Variants in DAB2 observed in about 807,000 individuals in gnomAD.
The protein encoded by DAB2 is disabled homolog 2.
Under a neutral mutation model 71.6 loss-of-function variants are expected in DAB2, and 28 were observed. The observed-to-expected ratio is 0.39, with a 90% CI of 0.29 to 0.54. The LOEUF (loss-of-function observed/expected upper bound fraction) is 0.54. Ranked by LOEUF, DAB2 falls within the 20% of genes least tolerant of loss-of-function variation. The pLI, the probability that DAB2 is intolerant of heterozygous loss-of-function variation, is 0.68. For synonymous variants in DAB2, 345 were observed against 339.7 expected (o/e 1.02, Z -0.17); for missense variants, 867 against 928.8 (o/e 0.93, Z 0.86).
chr5:39,406,833 T>C (rs2112091116), intron 1 of DAB2, among the ~76,000 whole-genome samples: 1 of 152,096 alleles, frequency 6.6e-6, no homozygotes, highest in East Asian at 1.9e-4. Flanking sequence ...ACATGAAAAA[T>C]ATTAGAGTTT....
chr5:39,392,209 A>G (rs1755246390), intron 4 of DAB2, 156 bp downstream of exon 4: 4 of 664,788 alleles, frequency 6.0e-6, no homozygotes, highest in Middle Eastern at 2.4e-4. Flanking sequence ...TTTACCTCCT[A>G]TTCTGTTTTC....
At chr5:39,389,994 G>A (rs1313630189) in intron 5 of DAB2, 62 bp from the exon 6 acceptor site, 2 of 1,168,648 alleles carry the variant, frequency 1.7e-6, no homozygotes, top group Non-Finnish European at 2.4e-6. Context: ...TCCTTTGTCT[G>A]CTATCAATTA....
At chr5:39,414,112 T>G (rs1755794383) in intron 1 of DAB2, among the ~76,000 whole-genome samples, 1 of 152,122 alleles carries the variant, frequency 6.6e-6, no homozygotes, top group South Asian at 2.1e-4. Context: ...ACTCTTATGC[T>G]AGGATTTTCA....
chr5:39,404,139 C>A (rs1474790982), intron 1 of DAB2, among the ~76,000 whole-genome samples: 1 of 150,496 alleles, frequency 6.6e-6, no homozygotes, highest in Admixed American at 6.7e-5. Flanking sequence ...TGGGTATATA[C>A]CCAGTAATGG....
intron 4 of DAB2, 40 bp from the exon 5 acceptor site, chr5:39,390,615 A>C: frequency 6.5e-7 from 1 of 1,537,598 alleles, no homozygotes; most frequent in South Asian, 1.2e-5. Flanking sequence ...TAAGAAAACT[A>C]GAATCTATTT....
rs764600005 is a variant in DAB2 at position 39,376,704 on chromosome 5, C to T, written c.2083G>A (p.Glu695Lys). 1 of 1,614,082 alleles carries T rather than the reference C, an allele frequency of 6.2e-7. No individual in the cohort carries two copies. The highest frequency in any genetic ancestry group is 1.1e-5 in the South Asian group (1 of 91,084). ...YFNSKVGIPQ[E>K]NADHDDFDAN... ...TCAAAGTCATCATGGTCTGCATTCT[C>T]CTGAGGAATGCCAACCTTGCTGTTG... is the stretch of plus-strand genomic sequence containing the variant. Residue 695 changes from glutamate to lysine, a missense_variant, in exon 12 of 15, where the codon GAG (glutamate) becomes AAG (lysine). Around this residue, in one of 2 missense-constraint regions of DAB2, gnomAD observed 740 missense variants for 734.3 expected, o/e 1.01. Coordinates refer to ENST00000320816, the MANE Select transcript of DAB2 (RefSeq NM_001343.4).
Position 39,390,580 on chromosome 5 carries a change from A to C in DAB2, c.331-5T>G, listed in dbSNP as rs2515732. On this transcript the variant is annotated splice_region_variant and splice_polypyrimidine_tract_variant and intron_variant, in intron 4 of 14. Transcript: ENST00000320816. ...TGGATGTTCATGCTCTATTACCTTA[A>C]AAAAGAACATAAAGAGTAATTTATT... 6.2e-7 allele frequency: 1 copy of C among 1,603,958 alleles called. No homozygotes were observed. The highest frequency in any genetic ancestry group is 1.3e-5 in the African/African-American group (1 of 74,566).
chr5:39,407,577 C>T (rs1755635404), intron 1 of DAB2, among the ~76,000 whole-genome samples: 1 of 152,210 alleles, frequency 6.6e-6, no homozygotes, highest in Non-Finnish European at 1.5e-5. Context: ...TTAGGTTGTG[C>T]ATTCTCATCC....
intron 1 of DAB2, chr5:39,417,301 A>T: frequency 1.6e-5 from 1 of 62,156 alleles, no homozygotes; most frequent in Middle Eastern, 8.6e-3. Flanking sequence ...TATAAAAATA[A>T]AAAAAAAAAA....
intron 13 of DAB2, among the ~76,000 whole-genome samples, chr5:39,375,689 A>G (rs891780747): frequency 2.2e-4 from 33 of 152,146 alleles, no homozygotes; most frequent in African/African-American, 7.7e-4. Flanking sequence ...GTTTGAGACC[A>G]GTCTGGCCAA....
intron 1 of DAB2, among the ~76,000 whole-genome samples, chr5:39,397,062 C>T (rs376499627): frequency 4.9e-4 from 75 of 152,312 alleles, no homozygotes; most frequent in African/African-American, 1.5e-3. Flanking sequence ...TGAAGGGACT[C>T]GGACATGTCT....
chr5:39,406,792 G>T (rs779529688), intron 1 of DAB2, among the ~76,000 whole-genome samples: 1 of 151,750 alleles, frequency 6.6e-6, no homozygotes, highest in South Asian at 2.1e-4. Flanking sequence ...TAAATCCAAG[G>T]GCATACAATT....
intron 5 of DAB2, 86 bp from the exon 6 acceptor site, chr5:39,390,018 G>A: frequency 9.7e-7 from 1 of 1,035,364 alleles, no homozygotes; most frequent in South Asian, 1.8e-5. Flanking sequence ...TTCATACTGG[G>A]ATTTTTTTTT....
intron 3 of DAB2, 102 bp downstream of exon 3, chr5:39,393,152 G>A: frequency 8.1e-7 from 1 of 1,229,428 alleles, no homozygotes; most frequent in Non-Finnish European, 1.2e-6. Flanking sequence ...ATTAAAAGCA[G>A]TTTTCAAGTA....
At chr5:39,421,074 T>C (rs1362347423) in intron 1 of DAB2, among the ~76,000 whole-genome samples, 1 of 152,122 alleles carries the variant, frequency 6.6e-6, no homozygotes, top group Admixed American at 6.5e-5. Context: ...GGGGAGGACT[T>C]AATTGAGACC....
chr5:39,391,491 G>A lies in DAB2; in HGVS notation c.330+874C>T, dbSNP rs142344088. The stretch of plus-strand genomic sequence containing the variant: ...GAGGACCCCAGCACTAGCAGGCTGA[G>A]TGGGGTCCACTAGGGTGCCAGGGCC... On this transcript the variant is annotated intron_variant, in intron 4 of 14. Transcript: ENST00000320816. 1.2e-4 allele frequency among the ~76,000 whole-genome samples: 19 copies of A among 152,298 alleles called. 1 individual carries two copies. Among genetic ancestry groups the A allele is most frequent in the African/African-American group, 4.6e-4 (19 of 41,564 alleles).
chr5:39,382,485 G>A (rs1413712843), intron 10 of DAB2, 133 bp downstream of exon 10: 2 of 963,998 alleles, frequency 2.1e-6, no homozygotes, highest in South Asian at 1.7e-5. Flanking sequence ...GAGAACCAAA[G>A]TGCCTTATCC....
chr5:39,383,331 G>T lies in DAB2; in HGVS notation c.688-60C>A, dbSNP rs1755027903. 3.1e-6 allele frequency: 4 copies of T among 1,287,656 alleles called. No individual in the cohort carries two copies. The South Asian group carries it at 4.3e-5, about 14-fold the overall frequency. 79.8% of individuals were successfully genotyped at this position (1,287,656 alleles called of 1,614,324 possible). Reference sequence around the variant, plus strand: ...TAGTCCATGTTGTGACTTCAAATGAGAAAATTACATAAGATGACTAGGATT... The same window carrying T: ...TAGTCCATGTTGTGACTTCAAATGATAAAATTACATAAGATGACTAGGATT... On this transcript the variant is annotated intron_variant, in intron 9 of 14. Coordinates refer to ENST00000320816, the MANE Select transcript of DAB2 (RefSeq NM_001343.4).
chr5:39,412,683 C>T (rs564828693), intron 1 of DAB2, among the ~76,000 whole-genome samples: 1 of 152,172 alleles, frequency 6.6e-6, no homozygotes, highest in South Asian at 2.1e-4. Flanking sequence ...GTTAAATTTA[C>T]CTAATGTTTA....
Sources: gnomAD v4.1 joint callset for allele counts (sites outside exome capture counted in the v4.1 genomes callset) on GRCh38, gnomAD v4.1.1 for gene constraint, gnomAD v4.1.1 regional missense constraint, MANE v1.5 for transcripts, NCBI Gene and HGNC (gene_info 2026-07-23, HGNC 2026-07-21) for gene names.